The following CAB39 variants were observed in gnomAD, a reference collection of about 807,000 sequenced individuals.
CAB39 encodes calcium-binding protein 39.
Under a neutral mutation model 40.0 loss-of-function variants are expected in CAB39, and 8 were observed. That is an observed-to-expected ratio of 0.20 (90% CI 0.12 to 0.36). The LOEUF (loss-of-function observed/expected upper bound fraction) is 0.36. Among genes scored for constraint, CAB39 ranks in the 10% least tolerant of loss-of-function variants. The probability of loss-of-function intolerance (pLI) is 1.00; values close to 1 mark genes in which losing one functional copy is unlikely to be tolerated. For missense variants in CAB39, 270 were observed against 401.1 expected (o/e 0.67, Z 2.79); for synonymous variants, 156 against 141.6 (o/e 1.10, Z -0.72).
At chr2:230,742,300 G>A (rs1479098120) in intron 1 of CAB39, among the ~76,000 whole-genome samples, 4 of 151,924 alleles carry the variant, frequency 2.6e-5, no homozygotes, top group South Asian at 4.1e-4. Flanking sequence ...ACAGCCTCCC[G>A]AGTAGCTGGG....
intron 1 of CAB39, among the ~76,000 whole-genome samples, chr2:230,728,217 G>A (rs865936907): frequency 3.3e-5 from 5 of 152,006 alleles, no homozygotes; most frequent in Admixed American, 6.6e-5. Flanking sequence ...CAGCATGGGC[G>A]ATAGAGTGAG....
intron 1 of CAB39, among the ~76,000 whole-genome samples, chr2:230,755,646 C>A (rs1003959923): frequency 6.6e-6 from 1 of 152,134 alleles, no homozygotes; most frequent in Admixed American, 6.6e-5. Context: ...TTTAATTAAG[C>A]CCCAGCTCTT....
At chr2:230,813,105 C>T (rs1696332940) in intron 6 of CAB39, among the ~76,000 whole-genome samples, 1 of 152,210 alleles carries the variant, frequency 6.6e-6, no homozygotes, top group Non-Finnish European at 1.5e-5. Flanking sequence ...GAAGATCCAA[C>T]AGTCATACTA....
chr2:230,755,954 T>A (rs1695181936), intron 1 of CAB39, among the ~76,000 whole-genome samples: 1 of 152,228 alleles, frequency 6.6e-6, no homozygotes, highest in Non-Finnish European at 1.5e-5. Context: ...CTCAGACATG[T>A]GCCCATGTGC....
At chr2:230,783,705 T>G (rs1431957192) in intron 2 of CAB39, among the ~76,000 whole-genome samples, 1 of 151,884 alleles carries the variant, frequency 6.6e-6, no homozygotes, top group Non-Finnish European at 1.5e-5. Context: ...TCTCACCATG[T>G]TTTTCAGGCT....
intron 5 of CAB39, 68 bp from the exon 6 acceptor site, chr2:230,810,194 TG>T: frequency 1.4e-6 from 1 of 701,002 alleles, no homozygotes; most frequent in Non-Finnish European, 2.5e-6. Context: ...TAAAATGGTG[TG>T]GAATTTAGGA....
intron 7 of CAB39, among the ~76,000 whole-genome samples, chr2:230,816,570 T>C (rs527397138): frequency 2.0e-5 from 3 of 152,326 alleles, no homozygotes; most frequent in African/African-American, 7.2e-5. Context: ...CAGAGATCAG[T>C]TACCTGGAAA....
At chr2:230,790,798 A>G (rs1695879954) in intron 2 of CAB39, 74 bp from the exon 3 acceptor site, 1 of 1,313,392 alleles carries the variant, frequency 7.6e-7, no homozygotes, top group Non-Finnish European at 1.1e-6. Flanking sequence ...TGATTTGACA[A>G]ATTTTGACGT....
chr2:230,806,144 A>G (rs1696189745), intron 5 of CAB39, among the ~76,000 whole-genome samples: 1 of 152,212 alleles, frequency 6.6e-6, no homozygotes, highest in Non-Finnish European at 1.5e-5. Context: ...AATAATTACT[A>G]GGATGTAGAT....
intron 2 of CAB39, among the ~76,000 whole-genome samples, chr2:230,774,533 G>T (rs994157857): frequency 6.6e-6 from 1 of 152,156 alleles, no homozygotes; most frequent in African/African-American, 2.4e-5. Context: ...GGTGTATGTG[G>T]GGACTATTTA....
intron 5 of CAB39, among the ~76,000 whole-genome samples, chr2:230,800,015 G>GCA (rs371013394): frequency 1.7e-3 from 258 of 150,068 alleles, no homozygotes; most frequent in African/African-American, 5.6e-3. Context: ...ATGTATACAC[G>GCA]CACACACACA....
intron 2 of CAB39, among the ~76,000 whole-genome samples, chr2:230,772,979 C>CAAA (rs1402536381): frequency 1.6e-3 from 96 of 60,668 alleles, no homozygotes; most frequent in African/African-American, 4.9e-3. Flanking sequence ...TACTACTCAG[C>CAAA]AATAAAAAAA....
intron 1 of CAB39, among the ~76,000 whole-genome samples, chr2:230,734,209 A>G (rs540153348): frequency 1.9e-4 from 29 of 152,340 alleles, no homozygotes; most frequent in African/African-American, 5.3e-4. Context: ...CTGGGTCTCA[A>G]AAGCTGGAAC....
intron 1 of CAB39, among the ~76,000 whole-genome samples, chr2:230,755,940 A>G (rs931532962): frequency 1.3e-5 from 2 of 152,246 alleles, no homozygotes; most frequent in Non-Finnish European, 2.9e-5. Context: ...TGTCAGTTTC[A>G]AAACTCAGAC....
chr2:230,734,561 C>A (rs1694750713), intron 1 of CAB39, among the ~76,000 whole-genome samples: 1 of 152,152 alleles, frequency 6.6e-6, no homozygotes, highest in African/African-American at 2.4e-5. Context: ...GACCCTATGA[C>A]CCTTCCGAGG....
intron 2 of CAB39, 56 bp from the exon 3 acceptor site, chr2:230,790,816 G>C (rs1170708722): frequency 6.9e-7 from 1 of 1,451,530 alleles, no homozygotes; most frequent in East Asian, 2.3e-5. Flanking sequence ...CGTGTTATAT[G>C]TTTGTTAAAA....
chr2:230,744,363 G>A (rs1054105224), intron 1 of CAB39, among the ~76,000 whole-genome samples: 1 of 151,588 alleles, frequency 6.6e-6, no homozygotes, highest in Non-Finnish European at 1.5e-5. Flanking sequence ...GCACGATCTC[G>A]GCTCACTGCA....
intron 4 of CAB39, among the ~76,000 whole-genome samples, chr2:230,795,377 G>T (rs1370852265): frequency 6.6e-6 from 1 of 151,528 alleles, no homozygotes; most frequent in African/African-American, 2.4e-5. Flanking sequence ...CCATCTCTTT[G>T]TTGAAGCCTG....
chr2:230,761,960 T>G (rs1575928424), intron 2 of CAB39, among the ~76,000 whole-genome samples: 1 of 151,850 alleles, frequency 6.6e-6, no homozygotes, highest in Admixed American at 6.6e-5. Context: ...CAGGCTGGAG[T>G]GTAGTGGCAC....
Sources: allele counts gnomAD v4.1 joint callset (sites outside exome capture counted in the v4.1 genomes callset), GRCh38; gene constraint gnomAD v4.1.1; transcripts MANE v1.5; gene names NCBI Gene and HGNC (gene_info 2026-07-23, HGNC 2026-07-21).